The following DLG3 variants were observed in gnomAD, a reference collection of about 807,000 sequenced individuals.
DLG3 encodes the protein disks large homolog 3.
Under a neutral mutation model 64.1 loss-of-function variants are expected in DLG3, and 1 was observed. That is an observed-to-expected ratio of 0.02 (90% CI 0.01 to 0.07). The LOEUF is 0.07. Ranked by LOEUF, DLG3 falls within the 10% of genes least tolerant of loss-of-function variation. The pLI, the probability that DLG3 is intolerant of heterozygous loss-of-function variation, is 1.00. For missense variants in DLG3, 429 were observed against 669.5 expected (o/e 0.64, Z 3.96); for synonymous variants, 245 against 259.8 (o/e 0.94, Z 0.55).
At position 70,502,437 on chromosome X, in the gene DLG3, T is replaced by A. The variant is rs1020796545; in HGVS notation, c.*168T>A. 7.0e-6 allele frequency: 3 copies of A among 426,013 alleles called. No individual in the cohort carries two copies. Among genetic ancestry groups the A allele is most frequent in the African/African-American group, 5.1e-5 (2 of 39,002 alleles). The allele number at this position is 426,013 out of a possible 1,213,427, so 35.1% of individuals were successfully genotyped here. A position where few individuals can be genotyped will look rare whatever the true frequency, so the allele number is the denominator to read the frequency against. On this transcript the variant is annotated 3_prime_UTR_variant, in exon 19 of 19. Coordinates refer to ENST00000374360, the MANE Select transcript of DLG3 (RefSeq NM_021120.4). ...TCTAGTCCTGTTCTTTTTTTTTTTT[T>A]AAGTTTTTGTTTGTTTCAGTTTATT...
At chrX:70,463,925 G>A (rs1198796947) in intron 9 of DLG3, among the ~76,000 whole-genome samples, 3 of 111,981 alleles carry the variant, frequency 2.7e-5, no homozygotes, top group African/African-American at 9.7e-5. Context: ...TGCCCAGGCT[G>A]GTCTTGAACT....
rs1185492648 is a variant in DLG3, at chrX:70,460,888, G to A, written c.1405+6572G>A. Among the ~76,000 whole-genome samples the A allele has an allele frequency of 1.8e-5, 2 of 112,073 alleles. 1 individual carries two copies. The highest frequency in any genetic ancestry group is 8.4e-3 in the Middle Eastern group (2 of 238). ...CATAATATTGTCAAGGTTCATCTGT[G>A]TTGTACATGTATCAATACTTCATTC... On this transcript the variant is annotated intron_variant, in intron 9 of 18. Coordinates refer to ENST00000374360, the MANE Select transcript of DLG3 (RefSeq NM_021120.4).
chrX:70,460,292 A>C lies in DLG3; in HGVS notation c.1405+5976A>C, dbSNP rs778958359. On this transcript the variant is annotated intron_variant, in intron 9 of 18. Transcript: ENST00000374360. ...GCTGAGACTCTGTCTCAAAAAAAAAAAAAAAAAAAAAAAAACTCCCAAATC... is the reference window on the plus strand; with the variant it reads ...GCTGAGACTCTGTCTCAAAAAAAAACAAAAAAAAAAAAAAACTCCCAAATC... Among the ~76,000 whole-genome samples the C allele has an allele frequency of 4.4e-3, 476 of 108,579 alleles. 9 individuals carry two copies. The highest frequency in any genetic ancestry group is 0.015 in the African/African-American group (449 of 29,969). The allele number at this position is 108,579 out of a possible 115,157, so 94.3% of individuals were successfully genotyped here. A position where few individuals can be genotyped will look rare whatever the true frequency, so the allele number is the denominator to read the frequency against.
chrX:70,489,983 C>G (rs1199674618), intron 10 of DLG3, among the ~76,000 whole-genome samples: 1 of 111,006 alleles, frequency 9.0e-6, no homozygotes, highest in Non-Finnish European at 1.9e-5. Flanking sequence ...CTGCCTCAGC[C>G]TCCCGAGTAG....
At position 70,503,533 on chromosome X, in the gene DLG3, T is replaced by C. The variant is rs1004990436; in HGVS notation, c.*1264T>C. 1.8e-5 allele frequency: 2 copies of C among 110,998 alleles called. No homozygotes were observed. Among genetic ancestry groups the C allele is most frequent in the South Asian group, 7.6e-4 (2 of 2,617 alleles). 9.1% of individuals were successfully genotyped at this position (110,998 alleles called of 1,213,427 possible). ...GACAGGGAGTCACTTGCCTTCCAGT[T>C]CTGTGCTGGGATGGCGGGACAGCAC... On this transcript the variant is annotated 3_prime_UTR_variant, in exon 19 of 19. Transcript: ENST00000374360.
Position 70,482,660 on chromosome X carries a change from G to GTTTTTTTTTTTTTTTTTTTTTT in DLG3, c.1520+3397_1520+3398insTTTTTTTTTTTTTTTTTTTTTT, listed in dbSNP as rs200729766. Reference sequence around the variant, plus strand: ...TCAGGTTTGGGAAAATACATGTGTGGTGTTTTTTTTTTTTTTTTTTTTTTT... The same window carrying GTTTTTTTTTTTTTTTTTTTTTT: ...TCAGGTTTGGGAAAATACATGTGTGGTTTTTTTTTTTTTTTTTTTTTTTGTTTTTTTTTTTTTTTTTTTTTTT... On this transcript the variant is annotated intron_variant, in intron 10 of 18. Transcript: ENST00000374360. 4.3e-5 allele frequency among the ~76,000 whole-genome samples: 3 copies of GTTTTTTTTTTTTTTTTTTTTTT among 69,250 alleles called. 1 individual carries two copies. Among genetic ancestry groups the GTTTTTTTTTTTTTTTTTTTTTT allele is most frequent in the Non-Finnish European group, 2.7e-5 (1 of 37,674 alleles). 60.1% of individuals were successfully genotyped at this position (69,250 alleles called of 115,157 possible).
In DLG3 at chrX:70,445,414, C is replaced by G. The variant is rs752468221; in HGVS notation, c.213C>G (p.Thr71=). The G allele has an allele frequency of 2.5e-6, 3 of 1,191,100 alleles. No homozygotes were observed. The highest frequency in any genetic ancestry group is 1.8e-5 in the South Asian group (1 of 54,277). ...CGGGGGCCACCCCCACCCCTCGCAC[C>G]AAGGCCAAGCTCATCCCCACCGGCC... The part of the protein sequence containing the change: ...SQAGATPTPR[T]KAKLIPTGRD... Residue 71 remains threonine, a synonymous_variant, in exon 1 of 19, where the codon ACC becomes ACG. Transcript: ENST00000374360.
At chrX:70,445,878 C>T (rs1042546333) in intron 1 of DLG3, among the ~76,000 whole-genome samples, 3 of 31,357 alleles carry the variant, frequency 9.6e-5, no homozygotes, top group Admixed American at 1.1e-3. Flanking sequence ...TGGCAGGGGG[C>T]GGGAGGTTCT....
At chrX:70,478,788 C>T (rs1312511922) in intron 9 of DLG3, among the ~76,000 whole-genome samples, 1 of 111,852 alleles carries the variant, frequency 8.9e-6, no homozygotes, top group African/African-American at 3.3e-5. Context: ...ATCTGCTCTC[C>T]TTGGGCCTTA....
At chrX:70,493,741 C>T (rs1309034726) in intron 12 of DLG3, among the ~76,000 whole-genome samples, 1 of 112,941 alleles carries the variant, frequency 8.9e-6, no homozygotes, top group African/African-American at 3.2e-5. Context: ...CCAGGAAGTG[C>T]CTGGCACTAG....
chrX:70,475,776 T>C (rs2087044723), intron 9 of DLG3, among the ~76,000 whole-genome samples: 1 of 112,365 alleles, frequency 8.9e-6, no homozygotes, highest in African/African-American at 3.2e-5. Context: ...ATACAGAATT[T>C]TTAAAAAGTG....
intron 9 of DLG3, among the ~76,000 whole-genome samples, chrX:70,474,341 A>G (rs1403472334): frequency 9.1e-6 from 1 of 109,952 alleles, no homozygotes; most frequent in African/African-American, 3.3e-5. Flanking sequence ...AGATAATAAA[A>G]TAGTCAAGGG....
chrX:70,457,556 C>A lies in DLG3; in HGVS notation c.1405+3240C>A, dbSNP rs898294518. 4.5e-5 allele frequency among the ~76,000 whole-genome samples: 5 copies of A among 110,256 alleles called. No individual in the cohort carries two copies. In the Admixed American group the frequency reaches 4.8e-4, roughly 11 times the overall value. On this transcript the variant is annotated intron_variant, in intron 9 of 18. Transcript: ENST00000374360. ...TTTAGGTATAGTTGTGCCTCCATCACCACAGTACGTTTTAGGACTTTTTTT... is the reference window on the plus strand; with the variant it reads ...TTTAGGTATAGTTGTGCCTCCATCAACACAGTACGTTTTAGGACTTTTTTT...
rs1277194975 is a variant in DLG3, at chrX:70,450,405, TG to T, written c.840+105del. The T allele has an allele frequency of 6.3e-5, 65 of 1,039,534 alleles. No individual in the cohort carries two copies. In the East Asian group the frequency reaches 2.1e-3, roughly 34 times the overall value. The allele number at this position is 1,039,534 out of a possible 1,213,427, so 85.7% of individuals were successfully genotyped here. On this transcript the variant is annotated intron_variant, in intron 5 of 18. Coordinates refer to ENST00000374360, the MANE Select transcript of DLG3 (RefSeq NM_021120.4). ...AACCTCACTCAGGGATGAGGCATCA[TG>T]GGGGAATTTCAAGAGTTATCATCTG...
chrX:70,477,645 C>CT (rs968764991), intron 9 of DLG3, among the ~76,000 whole-genome samples: 3 of 111,758 alleles, frequency 2.7e-5, no homozygotes, highest in African/African-American at 9.8e-5. Flanking sequence ...GAGTCAGTGA[C>CT]TTAACTGCTT....
At chrX:70,491,595 G>A (rs1267604166) in intron 10 of DLG3, among the ~76,000 whole-genome samples, 2 of 112,347 alleles carry the variant, frequency 1.8e-5, no homozygotes, top group Non-Finnish European at 3.8e-5. Flanking sequence ...TGGTCCCATT[G>A]GTCTTTTCAA....
chrX:70,475,292 C>T (rs2087034639), intron 9 of DLG3, among the ~76,000 whole-genome samples: 1 of 112,287 alleles, frequency 8.9e-6, no homozygotes, highest in South Asian at 3.7e-4. Flanking sequence ...AAATTATGGT[C>T]TGTCCATAGT....
At position 70,493,096 on chromosome X, in the gene DLG3, A is replaced by G. The variant is rs1003598101; in HGVS notation, c.1773+500A>G. ...CAGTGGTACCTTAGGGCATGTGTCC[A>G]GGAGGCTACAGTGACCTTTGTTCTT... On this transcript the variant is annotated intron_variant, in intron 12 of 18. Transcript: ENST00000374360. Among the ~76,000 whole-genome samples the G allele has an allele frequency of 2.1e-4, 23 of 112,140 alleles. No homozygotes were observed. In the Admixed American group the frequency reaches 2.2e-3, roughly 11 times the overall value.
chrX:70,473,589 T>A (rs1167132420), intron 9 of DLG3, among the ~76,000 whole-genome samples: 6 of 110,767 alleles, frequency 5.4e-5, no homozygotes, highest in South Asian at 3.9e-4. Flanking sequence ...TCAGTAATTT[T>A]TTTTTATTTT....
Sources: gnomAD v4.1 joint callset for allele counts (sites outside exome capture counted in the v4.1 genomes callset) on GRCh38, gnomAD v4.1.1 for gene constraint, MANE v1.5 for transcripts, NCBI Gene and HGNC (gene_info 2026-07-23, HGNC 2026-07-21) for gene names.